The following CCDC117 variants were observed in gnomAD, a reference collection of about 807,000 sequenced individuals.
CCDC117 encodes the protein coiled-coil domain-containing protein 117.
Under a neutral mutation model 23.5 loss-of-function variants are expected in CCDC117, and 1 was observed. The observed-to-expected ratio is 0.04, with a 90% CI of 0.02 to 0.20. CCDC117 has a LOEUF of 0.20. Ranked by LOEUF, CCDC117 falls within the 10% of genes least tolerant of loss-of-function variation. The probability of loss-of-function intolerance (pLI) is 1.00; values close to 1 mark genes in which losing one functional copy is unlikely to be tolerated. For synonymous variants in CCDC117, 132 were observed against 124.8 expected (o/e 1.06, Z -0.39); for missense variants, 383 against 348.2 (o/e 1.10, Z -0.80).
In CCDC117 at chr22:28,780,988, T is replaced by G. The variant is rs199639573; in HGVS notation, c.280T>G (p.Cys94Gly). Residue 94 changes from cysteine (C) to glycine (G), a missense_variant, in exon 3 of 5, where the codon TGT (cysteine) becomes GGT (glycine). Transcript: ENST00000249064. ...RKKRITEAELCAGPNDWILCA... is the reference protein window; with the variant it reads ...RKKRITEAELGAGPNDWILCA... ...GAAAAGGATAACTGAAGCAGAGCTC[T>G]GTGCTGGTCCTAATGACTGGATTCT... 2 of 1,614,114 alleles carry G rather than the reference T, an allele frequency of 1.2e-6. No homozygotes were observed. The highest frequency in any genetic ancestry group is 2.2e-5 in the East Asian group (1 of 44,878).
intron 3 of CCDC117, among the ~76,000 whole-genome samples, chr22:28,783,174 C>T (rs942275233): frequency 3.3e-5 from 5 of 151,766 alleles, no homozygotes; most frequent in African/African-American, 4.8e-5. Flanking sequence ...CCTGAGTAGC[C>T]GGATTACAGG....
intron 4 of CCDC117, among the ~76,000 whole-genome samples, chr22:28,784,356 A>C (rs1442688213): frequency 2.0e-5 from 3 of 152,246 alleles, no homozygotes; most frequent in African/African-American, 4.8e-5. Context: ...CTAATCCTGT[A>C]GTCCGTGAAG....
At chr22:28,779,875 C>T (rs887384982) in intron 2 of CCDC117, among the ~76,000 whole-genome samples, 1 of 152,154 alleles carries the variant, frequency 6.6e-6, no homozygotes, top group East Asian at 1.9e-4. Flanking sequence ...CAATAAAGTA[C>T]TTTTGGTCTA....
At chr22:28,784,178 C>T (rs2146255115) in intron 4 of CCDC117, among the ~76,000 whole-genome samples, 1 of 152,220 alleles carries the variant, frequency 6.6e-6, no homozygotes, top group Non-Finnish European at 1.5e-5. Context: ...ATCTGGTTTC[C>T]TAGATCATCA....
intron 2 of CCDC117, among the ~76,000 whole-genome samples, chr22:28,774,172 AT>A (rs1163579891): frequency 6.9e-6 from 1 of 144,714 alleles, no homozygotes; most frequent in Non-Finnish European, 1.5e-5. Context: ...GCTTCATGCC[AT>A]TCTCCTGCCT....
chr22:28,773,642 G>C, intron 1 of CCDC117, 83 bp from the exon 2 acceptor site: 1 of 1,154,992 alleles, frequency 8.7e-7, no homozygotes, highest in Non-Finnish European at 1.3e-6. Context: ...GGATGAGCAA[G>C]ATTATTGGAG....
intron 2 of CCDC117, among the ~76,000 whole-genome samples, chr22:28,777,229 G>A (rs1415366482): frequency 6.6e-6 from 1 of 151,396 alleles, no homozygotes; most frequent in Non-Finnish European, 1.5e-5. Flanking sequence ...GTTTCACCAT[G>A]TTAGCCAGGA....
At chr22:28,773,514 A>G (rs1569196118) in intron 1 of CCDC117, 4 of 589,020 alleles carry the variant, frequency 6.8e-6, no homozygotes, top group South Asian at 6.4e-5. Context: ...CATTACGTTG[A>G]TAAAAGGACA....
Position 28,786,399 on chromosome 22 carries a change from T to C in CCDC117, c.*73T>C. 9.6e-7 allele frequency: 1 copy of C among 1,044,602 alleles called. No homozygotes were observed. Among genetic ancestry groups the C allele is most frequent in the Non-Finnish European group, 1.4e-6 (1 of 705,314 alleles). The allele number at this position is 1,044,602 out of a possible 1,614,324, so 64.7% of individuals were successfully genotyped here. On this transcript the variant is annotated 3_prime_UTR_variant, in exon 5 of 5. Coordinates refer to ENST00000249064, the MANE Select transcript of CCDC117 (RefSeq NM_173510.4). ...TTCAGTTATGAGACTCTTTGCATAGTATAGGGACTTGAAAGTTTTATGAGA... is the reference window on the plus strand; with the variant it reads ...TTCAGTTATGAGACTCTTTGCATAGCATAGGGACTTGAAAGTTTTATGAGA...
At chr22:28,781,249 A>T (rs1334808558) in intron 3 of CCDC117, 77 bp downstream of exon 3, 1 of 781,654 alleles carries the variant, frequency 1.3e-6, no homozygotes, top group African/African-American at 1.7e-5. Flanking sequence ...AGTTCTGTTT[A>T]TCATTTGGTG....
chr22:28,773,738 T>C lies in CCDC117; in HGVS notation c.199T>C (p.Cys67Arg). 6.2e-7 allele frequency: 1 copy of C among 1,613,780 alleles called. No homozygotes were observed. The highest frequency in any genetic ancestry group is 8.5e-7 in the Non-Finnish European group (1 of 1,179,614). Residue 67 changes from cysteine (C) to arginine (R), a missense_variant, in exon 2 of 5, where the codon TGT (cysteine) becomes CGT (arginine). By Grantham distance (180) the Cys-to-Arg change is radical. Coordinates refer to ENST00000249064, the MANE Select transcript of CCDC117 (RefSeq NM_173510.4). ...TTGTTTCAACAGTGTTTCTGTTCACTGTAAAAAGAAACACAAGCGAGAGGA... is the reference window on the plus strand; with the variant it reads ...TTGTTTCAACAGTGTTTCTGTTCACCGTAAAAAGAAACACAAGCGAGAGGA... ...SAARGRVSVH[C>R]KKKHKREEEE... is the part of the protein sequence containing the mutation.
chr22:28,772,787 G>A lies in CCDC117; in HGVS notation c.-63G>A. On this transcript the variant is annotated 5_prime_UTR_variant, in exon 1 of 5. Transcript: ENST00000249064. ...GGTTTTGGCAGTAGCTGTGGCTGCGGCTGCCGGGCCTGGGGACGCGGGCGG... is the reference window on the plus strand; with the variant it reads ...GGTTTTGGCAGTAGCTGTGGCTGCGACTGCCGGGCCTGGGGACGCGGGCGG... 5 of 1,197,806 alleles carry A rather than the reference G, an allele frequency of 4.2e-6. No individual in the cohort carries two copies. Among genetic ancestry groups the A allele is most frequent in the Non-Finnish European group, 5.2e-6 (5 of 961,574 alleles). The allele number at this position is 1,197,806 out of a possible 1,614,324, so 74.2% of individuals were successfully genotyped here. A position where few individuals can be genotyped will look rare whatever the true frequency, so the allele number is the denominator to read the frequency against.
chr22:28,774,939 TAGAG>T (rs891076314), intron 2 of CCDC117, among the ~76,000 whole-genome samples: 24 of 152,262 alleles, frequency 1.6e-4, no homozygotes, highest in East Asian at 5.8e-4. Flanking sequence ...TATCAGCACA[TAGAG>T]AGAGGTTTAC....
At position 28,772,937 on chromosome 22, in the gene CCDC117, C is replaced by A; in HGVS notation, c.88C>A (p.Arg30=). The A allele has an allele frequency of 8.2e-7, 1 of 1,219,588 alleles. No individual in the cohort carries two copies. Among genetic ancestry groups the A allele is most frequent in the Non-Finnish European group, 1.0e-6 (1 of 979,834 alleles). The allele number at this position is 1,219,588 out of a possible 1,614,324, so 75.5% of individuals were successfully genotyped here. A position where few individuals can be genotyped will look rare whatever the true frequency, so the allele number is the denominator to read the frequency against. Residue 30 remains arginine, a synonymous_variant, in exon 1 of 5, where the codon CGG becomes AGG. Transcript: ENST00000249064. ...GCCGCCGCAGCCGGCCTTCCCCGGC[C>A]GGGCCTTCCCGCCGGGGGCTGACGG... The part of the protein sequence containing the change: ...LQPPQPAFPG[R]AFPPGADGAE...
At position 28,786,231 on chromosome 22, in the gene CCDC117, AGAACT is replaced by A; in HGVS notation, c.752_756del (p.Glu251ValfsTer13). On this transcript the variant is annotated frameshift_variant, in exon 5 of 5. Transcript: ENST00000249064. LOFTEE classifies it high-confidence loss of function. Reference sequence around the variant, plus strand: ...AGCTGCTGGCACTGCCTTCCCTCAGAGAACTGAACTGTTTTCGGAACCTCGGCCAA... The same window carrying A: ...AGCTGCTGGCACTGCCTTCCCTCAGAGAACTGTTTTCGGAACCTCGGCCAA... 1 of 1,614,162 alleles carries A rather than the reference AGAACT, an allele frequency of 6.2e-7. No individual in the cohort carries two copies. Among genetic ancestry groups the A allele is most frequent in the Non-Finnish European group, 8.5e-7 (1 of 1,180,018 alleles).
rs1488407487 is a variant in CCDC117, at chr22:28,787,180, T to G, written c.*854T>G. 1 of 151,598 alleles carries G rather than the reference T, an allele frequency of 6.6e-6. No homozygotes were observed. The highest frequency in any genetic ancestry group is 1.5e-5 in the Non-Finnish European group (1 of 68,026). 9.4% of individuals were successfully genotyped at this position (151,598 alleles called of 1,614,324 possible). A position where few individuals can be genotyped will look rare whatever the true frequency, so the allele number is the denominator to read the frequency against. ...CTTTGGTAATTTTTTTAAAAAGTTA[T>G]ACTTGTATTAGCAAGTTTTTTTTTT... On this transcript the variant is annotated 3_prime_UTR_variant, in exon 5 of 5. Coordinates refer to ENST00000249064, the MANE Select transcript of CCDC117 (RefSeq NM_173510.4).
Position 28,786,571 on chromosome 22 carries a change from A to G in CCDC117, c.*245A>G, listed in dbSNP as rs1235194413. The stretch of plus-strand genomic sequence containing the variant: ...GCTTATTAAAGGAATGTTGGTTTAC[A>G]TTGTCTTCAAAGACAAGTATAGAAG... On this transcript the variant is annotated 3_prime_UTR_variant, in exon 5 of 5. Transcript: ENST00000249064. The G allele has an allele frequency of 4.4e-6, 2 of 451,894 alleles. No individual in the cohort carries two copies. The highest frequency in any genetic ancestry group is 4.0e-5 in the Admixed American group (1 of 25,268). 28.0% of individuals were successfully genotyped at this position (451,894 alleles called of 1,614,324 possible).
At chr22:28,780,807 C>T (rs561738959) in intron 2 of CCDC117, 141 bp from the exon 3 acceptor site, 28 of 620,020 alleles carry the variant, frequency 4.5e-5, no homozygotes, top group South Asian at 1.8e-4. Flanking sequence ...AGGAAAAATA[C>T]GCAGTATTTT....
At chr22:28,773,944 GCAGA>G (rs1212700054) in intron 2 of CCDC117, among the ~76,000 whole-genome samples, 166 bp downstream of exon 2, 1 of 152,180 alleles carries the variant, frequency 6.6e-6, no homozygotes, top group Non-Finnish European at 1.5e-5. Context: ...ACAGTGGCAG[GCAGA>G]CAGGTCAGAG....
Sources: allele counts gnomAD v4.1 joint callset (sites outside exome capture counted in the v4.1 genomes callset), GRCh38; gene constraint gnomAD v4.1.1; transcripts MANE v1.5; gene names NCBI Gene and HGNC (gene_info 2026-07-23, HGNC 2026-07-21).